SDK1: variants seen among roughly 807,000 people sequenced by gnomAD.
SDK1 encodes the protein protein sidekick-1.
In SDK1, 157 loss-of-function variants were observed where a neutral mutation model predicts 245.5. That is an observed-to-expected ratio of 0.64 (90% CI 0.56 to 0.73). The LOEUF is 0.73. SDK1 is among the 30% of genes least tolerant of loss of function. The probability of loss-of-function intolerance (pLI) is 0.00; values close to 1 mark genes in which losing one functional copy is unlikely to be tolerated. For synonymous variants in SDK1, 1,647 were observed against 1,278.5 expected (o/e 1.29, Z -6.15); for missense variants, 3,583 against 3,002.3 (o/e 1.19, Z -4.52).
chr7:3,500,431 G>A (rs1369300601), intron 1 of SDK1, among the ~76,000 whole-genome samples: 1 of 152,164 alleles, frequency 6.6e-6, no homozygotes, highest in South Asian at 2.1e-4. Context: ...AGAATTCTTG[G>A]TGGGAAATAA....
At chr7:3,425,944 T>C (rs1779663792) in intron 1 of SDK1, among the ~76,000 whole-genome samples, 1 of 151,762 alleles carries the variant, frequency 6.6e-6, no homozygotes, top group East Asian at 1.9e-4. Flanking sequence ...AAAAATAATT[T>C]CATCTACACT....
chr7:4,175,175 G>A (rs914059792), intron 33 of SDK1, among the ~76,000 whole-genome samples: 1 of 152,196 alleles, frequency 6.6e-6, no homozygotes, highest in Non-Finnish European at 1.5e-5. Context: ...CTTGACCCCA[G>A]TACAGCGCCA....
chr7:3,741,694 C>G (rs1373161197), intron 4 of SDK1, among the ~76,000 whole-genome samples: 1 of 152,104 alleles, frequency 6.6e-6, no homozygotes. Context: ...GTCTCCATAT[C>G]ACTGACTCTT....
intron 39 of SDK1, 100 bp downstream of exon 39, chr7:4,220,370 T>C (rs1289845332): frequency 2.3e-6 from 3 of 1,326,632 alleles, no homozygotes; most frequent in Admixed American, 2.1e-5. Context: ...AACAAGGTGA[T>C]GTTGGCGGCC....
At position 3,876,122 on chromosome 7, in the gene SDK1, G is replaced by A. The variant is rs543334849; in HGVS notation, c.847+54539G>A. 7.2e-4 allele frequency among the ~76,000 whole-genome samples: 110 copies of A among 152,274 alleles called. 1 individual carries two copies. The highest frequency in any genetic ancestry group is 2.5e-3 in the African/African-American group (104 of 41,564). ...GGTGTGAGTCAGGCACTAGTCTGCT[G>A]TTTCCCTCCAAATTGCCGGGGACAC... On this transcript the variant is annotated intron_variant, in intron 5 of 44. Transcript: ENST00000404826.
In SDK1 at chr7:3,974,710, T is replaced by G. The variant is rs1007415342; in HGVS notation, c.1994+165T>G. 2.0e-5 allele frequency: 12 copies of G among 597,106 alleles called. No individual in the cohort carries two copies. In the African/African-American group the frequency reaches 2.2e-4, roughly 11 times the overall value. The allele number at this position is 597,106 out of a possible 1,614,324, so 37.0% of individuals were successfully genotyped here. On this transcript the variant is annotated intron_variant, in intron 13 of 44. Coordinates refer to ENST00000404826, the MANE Select transcript of SDK1 (RefSeq NM_152744.4). ...TAACTACATATATGGACAAGGTTTT[T>G]TTGTGGTTTCTTTCAACTTCGGAAT...
At chr7:3,986,997 G>A (rs898490088) in intron 13 of SDK1, among the ~76,000 whole-genome samples, 189 bp from the exon 14 acceptor site, 1 of 152,198 alleles carries the variant, frequency 6.6e-6, no homozygotes, top group Non-Finnish European at 1.5e-5. Context: ...GTAACACTGT[G>A]AATAATGAAG....
chr7:3,477,866 T>A (rs1385486645), intron 1 of SDK1, among the ~76,000 whole-genome samples: 1 of 152,084 alleles, frequency 6.6e-6, no homozygotes, highest in Non-Finnish European at 1.5e-5. Context: ...GGATGGAAAT[T>A]TTATCTGTAT....
chr7:4,079,396 G>C lies in SDK1; in HGVS notation c.3203-67G>C, dbSNP rs141680891. On this transcript the variant is annotated intron_variant, in intron 21 of 44. Coordinates refer to ENST00000404826, the MANE Select transcript of SDK1 (RefSeq NM_152744.4). ...AACTGTTTACTTTTGAAGCTGACAC[G>C]TTTGATACCTTTCCTAAGCTGTGAC... 69 of 1,577,584 alleles carry C rather than the reference G, an allele frequency of 4.4e-5. No homozygotes were observed. The Middle Eastern group carries it at 5.1e-4, about 12-fold the overall frequency.
At chr7:4,018,603 G>A (rs1218087181) in intron 17 of SDK1, among the ~76,000 whole-genome samples, 2 of 152,212 alleles carry the variant, frequency 1.3e-5, no homozygotes, top group African/African-American at 4.8e-5. Context: ...CACTTAAAAA[G>A]ACTCATATTG....
chr7:3,709,664 G>T (rs562614268), intron 4 of SDK1, among the ~76,000 whole-genome samples: 1 of 152,140 alleles, frequency 6.6e-6, no homozygotes, highest in Non-Finnish European at 1.5e-5. Context: ...AGGGGGAGAC[G>T]CATGCTAACA....
intron 25 of SDK1, among the ~76,000 whole-genome samples, chr7:4,123,586 C>T (rs1784202972): frequency 6.6e-6 from 1 of 152,154 alleles, no homozygotes; most frequent in Admixed American, 6.5e-5. Flanking sequence ...GAGCAAACTT[C>T]ACATTGCAAG....
At chr7:4,103,515 T>C (rs535652046) in intron 22 of SDK1, among the ~76,000 whole-genome samples, 3 of 152,362 alleles carry the variant, frequency 2.0e-5, no homozygotes, top group Middle Eastern at 6.8e-3. Flanking sequence ...CCTTTTATTA[T>C]AGAAATTTCA....
intron 39 of SDK1, 33 bp from the exon 40 acceptor site, chr7:4,221,206 T>C: frequency 6.2e-7 from 1 of 1,610,318 alleles, no homozygotes; most frequent in Non-Finnish European, 8.5e-7. Flanking sequence ...GCAGGGCTGA[T>C]GCCTCACCTC....
chr7:3,915,437 C>T (rs1779338529), intron 5 of SDK1, among the ~76,000 whole-genome samples: 1 of 152,224 alleles, frequency 6.6e-6, no homozygotes, highest in East Asian at 1.9e-4. Flanking sequence ...TTTTCCCATG[C>T]TGTTCTTGTG....
intron 1 of SDK1, among the ~76,000 whole-genome samples, chr7:3,319,275 A>T (rs1279880444): frequency 1.3e-5 from 2 of 152,110 alleles, no homozygotes; most frequent in Non-Finnish European, 2.9e-5. Context: ...TTTCCACAGG[A>T]GAGGGATGGC....
At chr7:3,451,507 A>G (rs999157001) in intron 1 of SDK1, among the ~76,000 whole-genome samples, 4 of 152,142 alleles carry the variant, frequency 2.6e-5, no homozygotes, top group African/African-American at 9.7e-5. Flanking sequence ...GCAGATGATC[A>G]CACTGCATCA....
intron 1 of SDK1, among the ~76,000 whole-genome samples, chr7:3,498,310 C>G: frequency 6.6e-6 from 1 of 152,108 alleles, no homozygotes; most frequent in East Asian, 1.9e-4. Context: ...CTTAGGTAGA[C>G]TTCGGTTCTA....
intron 33 of SDK1, among the ~76,000 whole-genome samples, chr7:4,175,477 A>G (rs112382463): frequency 3.3e-5 from 5 of 152,306 alleles, no homozygotes; most frequent in African/African-American, 1.2e-4. Context: ...GTGTCCTGCC[A>G]CTCAGTGCTA....
Sources: gnomAD v4.1 joint callset for allele counts (sites outside exome capture counted in the v4.1 genomes callset) on GRCh38, gnomAD v4.1.1 for gene constraint, MANE v1.5 for transcripts, NCBI Gene and HGNC (gene_info 2026-07-23, HGNC 2026-07-21) for gene names.